Variants in SF3A1 observed in about 807,000 individuals in gnomAD.
SF3A1 encodes splicing factor 3a subunit 1.
A neutral mutation model predicts 89.9 loss-of-function variants in SF3A1; 13 were observed. The observed-to-expected ratio is 0.14, with a 90% confidence interval of 0.09 to 0.23. The LOEUF is 0.23. SF3A1 is among the 10% of genes least tolerant of loss of function. The pLI, the probability that SF3A1 is intolerant of heterozygous loss-of-function variation, is 1.00. For synonymous variants in SF3A1, 405 were observed against 374.4 expected, an observed-to-expected ratio of 1.08 and a Z score of -0.94; for missense variants, 604 against 1,022.1, an observed-to-expected ratio of 0.59 and a Z score of 5.58.
At chr22:30,342,708 A>G (rs1343807506) in intron 5 of SF3A1, 97 bp downstream of exon 5, 5 of 841,582 alleles carry the variant, frequency 5.9e-6, no homozygotes, top group Admixed American at 2.0e-5. Context: ...CATTCCCATG[A>G]CTGGAACATA....
Position 30,356,853 on chromosome 22 carries a change from C to T in SF3A1, c.-61G>A. On this transcript the variant is annotated 5_prime_UTR_variant, in exon 1 of 16. Coordinates refer to ENST00000215793, the MANE Select transcript of SF3A1 (RefSeq NM_005877.6). ...GTCGGTGAGCGGTGCCGCCTCAAGA[C>T]AGCCTCCCCGCTCGGTCAGTACGAC... The T allele has an allele frequency of 1.6e-6, 2 of 1,257,918 alleles. No individual in the cohort carries two copies. Among genetic ancestry groups the T allele is most frequent in the Non-Finnish European group, 2.0e-6 (2 of 988,876 alleles). 77.9% of individuals were successfully genotyped at this position (1,257,918 alleles called of 1,614,324 possible).
At chr22:30,348,002 C>T (rs764649276) in intron 2 of SF3A1, among the ~76,000 whole-genome samples, 6 of 152,320 alleles carry the variant, frequency 3.9e-5, no homozygotes, top group Non-Finnish European at 5.9e-5. Flanking sequence ...CCACCATGCT[C>T]GGCTAATTTT....
At chr22:30,355,432 T>G (rs890877953) in intron 1 of SF3A1, among the ~76,000 whole-genome samples, 9 of 152,332 alleles carry the variant, frequency 5.9e-5, no homozygotes, top group Admixed American at 5.2e-4. Flanking sequence ...CTACCCCCTC[T>G]GCCCTAATCT....
chr22:30,339,979 G>A (rs1931197471), intron 9 of SF3A1, among the ~76,000 whole-genome samples: 1 of 152,200 alleles, frequency 6.6e-6, no homozygotes, highest in Non-Finnish European at 1.5e-5. Flanking sequence ...CTTGCTCTGG[G>A]ATGTCAACAG....
chr22:30,342,824 G>A lies in SF3A1; in HGVS notation c.707C>T (p.Pro236Leu). 6.2e-7 allele frequency: 1 copy of A among 1,611,182 alleles called. No homozygotes were observed. The highest frequency in any genetic ancestry group is 8.5e-7 in the Non-Finnish European group (1 of 1,178,202). Residue 236 changes from proline (P) to leucine (L), a missense_variant, in exon 5 of 16, where the codon CCC becomes CTC. Pro to Leu is a moderately conservative substitution (Grantham distance 98). Transcript: ENST00000215793. ...GTTTACCTGATCCAAAACTTCTCGG[G>A]GGTTTTCAGCCTCTTTCTTGAGCTT... is the stretch of plus-strand genomic sequence containing the variant. ...FSKLKKEAEN[P>L]REVLDQVCYR...
At chr22:30,347,192 G>A (rs1462240629) in intron 2 of SF3A1, among the ~76,000 whole-genome samples, 1 of 152,192 alleles carries the variant, frequency 6.6e-6, no homozygotes, top group Non-Finnish European at 1.5e-5. Flanking sequence ...AGCTACTCAG[G>A]AGGCTGAGGT....
In SF3A1 at chr22:30,351,619, G is replaced by A. The variant is rs143102595; in HGVS notation, c.185+1332C>T. ...GGGCCCAACCGATCCTCTTGCCTCA[G>A]CCTCCTAAGTAGCTGGGATCACAGG... On this transcript the variant is annotated intron_variant, in intron 2 of 15. Transcript: ENST00000215793. Among the ~76,000 whole-genome samples, 202 of 152,270 alleles carry A rather than the reference G, an allele frequency of 1.3e-3. 1 individual carries two copies. Among genetic ancestry groups the A allele is most frequent in the African/African-American group, 4.8e-3 (199 of 41,544 alleles).
intron 1 of SF3A1, among the ~76,000 whole-genome samples, chr22:30,356,222 T>C (rs1233376540): frequency 1.3e-5 from 2 of 152,332 alleles, no homozygotes; most frequent in African/African-American, 4.8e-5. Flanking sequence ...GCAGGGACCA[T>C]GCCCCATTCA....
At chr22:30,346,149 G>A (rs1000053334) in intron 3 of SF3A1, 163 bp downstream of exon 3, 7 of 620,930 alleles carry the variant, frequency 1.1e-5, no homozygotes, top group African/African-American at 3.7e-5. Context: ...ACTAACATCA[G>A]TACTTTGCTG....
intron 7 of SF3A1, 113 bp downstream of exon 7, chr22:30,341,575 GGACC>G: frequency 7.2e-6 from 4 of 553,930 alleles, no homozygotes; most frequent in South Asian, 5.9e-5. Flanking sequence ...GCCTTGTTCA[GGACC>G]CACGCCTCCT....
In SF3A1 at chr22:30,349,256, T is replaced by C. The variant is rs1197511021; in HGVS notation, c.186-2737A>G. On this transcript the variant is annotated intron_variant, in intron 2 of 15. Coordinates refer to ENST00000215793, the MANE Select transcript of SF3A1 (RefSeq NM_005877.6). ...TCGGATATTGGTCTCTTTGTTGCAA[T>C]GTAAACGATAAGTTCACAGATTTTA... 3.3e-5 allele frequency among the ~76,000 whole-genome samples: 5 copies of C among 152,246 alleles called. No homozygotes were observed. The East Asian group carries it at 9.6e-4, about 29-fold the overall frequency.
intron 13 of SF3A1, among the ~76,000 whole-genome samples, chr22:30,335,974 G>T (rs760305133): frequency 6.6e-6 from 1 of 152,166 alleles, no homozygotes; most frequent in African/African-American, 2.4e-5. Flanking sequence ...TTGTCTCTTG[G>T]TGAGTCTGGA....
intron 2 of SF3A1, among the ~76,000 whole-genome samples, chr22:30,348,370 C>G (rs990625454): frequency 7.9e-5 from 12 of 152,178 alleles, no homozygotes; most frequent in African/African-American, 2.9e-4. Flanking sequence ...GAGCCCGGCA[C>G]AGTGGCGCAC....
At chr22:30,352,573 T>C in intron 2 of SF3A1, 1 of 164,378 alleles carries the variant, frequency 6.1e-6, no homozygotes, top group Non-Finnish European at 1.3e-5. Context: ...TGCAGATGGG[T>C]CATTTGAGGC....
At chr22:30,336,132 G>A (rs1416177714) in intron 13 of SF3A1, among the ~76,000 whole-genome samples, 2 of 152,152 alleles carry the variant, frequency 1.3e-5, no homozygotes, top group Non-Finnish European at 2.9e-5. Context: ...ACCAGACAGG[G>A]TTCATGACTG....
At chr22:30,341,643 T>C (rs369670276) in intron 7 of SF3A1, 49 bp downstream of exon 7, 14 of 1,545,890 alleles carry the variant, frequency 9.1e-6, no homozygotes, top group East Asian at 2.2e-5. Context: ...TTCGACCTCC[T>C]GGGGCTTCAG....
chr22:30,341,864 G>A lies in SF3A1; in HGVS notation c.899C>T (p.Thr300Met), dbSNP rs1204236881. ...NEQGNFPPPTTPEELGARILI... is the reference protein window; with the variant it reads ...NEQGNFPPPTMPEELGARILI... ...GATTCGGGCCCCCAGCTCCTCTGGCGTGGTGGGGGGAGGGAAGTTCCCTAG... is the reference window on the plus strand; with the variant it reads ...GATTCGGGCCCCCAGCTCCTCTGGCATGGTGGGGGGAGGGAAGTTCCCTAG... Residue 300 changes from threonine to methionine, a missense_variant, in exon 7 of 16, where the codon ACG becomes ATG. Coordinates refer to ENST00000215793, the MANE Select transcript of SF3A1 (RefSeq NM_005877.6). 5.0e-6 allele frequency: 8 copies of A among 1,613,212 alleles called. No homozygotes were observed. The highest frequency in any genetic ancestry group is 1.7e-5 in the Admixed American group (1 of 60,016).
At chr22:30,356,119 G>C (rs938150255) in intron 1 of SF3A1, among the ~76,000 whole-genome samples, 3 of 152,090 alleles carry the variant, frequency 2.0e-5, no homozygotes, top group African/African-American at 7.2e-5. Context: ...TTAAGGGCGG[G>C]CTGGCACTGT....
chr22:30,342,392 G>A, intron 5 of SF3A1, 42 bp from the exon 6 acceptor site: 1 of 1,556,798 alleles, frequency 6.4e-7, no homozygotes, highest in South Asian at 1.2e-5. Flanking sequence ...CTGAAGCAGG[G>A]TCTGCTCCTG....
Sources: allele counts gnomAD v4.1 joint callset (sites outside exome capture counted in the v4.1 genomes callset), GRCh38; gene constraint gnomAD v4.1.1; transcripts MANE v1.5; gene names NCBI Gene and HGNC (gene_info 2026-07-23, HGNC 2026-07-21).